RARB: variants seen among roughly 807,000 people sequenced by gnomAD.
RARB encodes HBV-activated protein.
A neutral mutation model predicts 51.9 loss-of-function variants in RARB; 17 were observed. The ratio of observed to expected loss-of-function variants is 0.33; its 90% CI spans 0.22 to 0.49. RARB has a LOEUF of 0.49. Ranked by LOEUF, RARB falls within the 20% of genes least tolerant of loss-of-function variation. The pLI is 0.99. For missense variants in RARB, 369 were observed against 550.8 expected (o/e 0.67, Z 3.30); for synonymous variants, 215 against 195.4 (o/e 1.10, Z -0.84).
chr3:25,392,100 T>TC (rs1225860037), intron 5 of RARB, among the ~76,000 whole-genome samples: 2 of 152,342 alleles, frequency 1.3e-5, no homozygotes, highest in East Asian at 3.9e-4. Context: ...GTTTCATTCT[T>TC]CTGCATGTGG....
chr3:25,270,462 T>TA (rs1703232668), intron 5 of RARB, among the ~76,000 whole-genome samples: 3 of 152,266 alleles, frequency 2.0e-5, no homozygotes, highest in African/African-American at 7.2e-5. Context: ...TAAAAATTGT[T>TA]AAAATGGTAA....
chr3:25,033,676 C>T (rs4858692), intron 2 of RARB, among the ~76,000 whole-genome samples: 95,141 of 151,856 alleles, frequency 0.63, 30,486 homozygotes, highest in East Asian at 0.93. Flanking sequence ...TTTCAGAGAG[C>T]AGTGGCTGCA....
intron 2 of RARB, among the ~76,000 whole-genome samples, chr3:25,489,743 C>T: frequency 6.6e-6 from 1 of 152,220 alleles, no homozygotes; most frequent in East Asian, 1.9e-4. Context: ...AAAGGACTTT[C>T]AAGTCCTAGG....
At chr3:25,206,734 T>C (rs1037015612) in intron 5 of RARB, among the ~76,000 whole-genome samples, 1 of 152,144 alleles carries the variant, frequency 6.6e-6, no homozygotes, top group Non-Finnish European at 1.5e-5. Flanking sequence ...GTAGGGTGAG[T>C]ACTGCTTCAG....
chr3:24,963,953 T>A (rs1045752770), intron 2 of RARB, among the ~76,000 whole-genome samples: 1 of 152,298 alleles, frequency 6.6e-6, no homozygotes, highest in African/African-American at 2.4e-5. Flanking sequence ...TCGCCTTGTA[T>A]ATAATCTTGA....
intron 5 of RARB, among the ~76,000 whole-genome samples, chr3:25,248,430 T>G (rs1327071525): frequency 6.6e-6 from 1 of 152,214 alleles, no homozygotes; most frequent in Non-Finnish European, 1.5e-5. Context: ...ATTGTTATTT[T>G]GAATATTCTT....
intron 5 of RARB, among the ~76,000 whole-genome samples, chr3:25,415,686 A>G (rs1328077541): frequency 6.6e-6 from 1 of 152,216 alleles, no homozygotes; most frequent in Non-Finnish European, 1.5e-5. Flanking sequence ...TTTTACTTAC[A>G]GTGAGGCCAT....
At chr3:24,945,045 C>A (rs1310074396) in intron 2 of RARB, among the ~76,000 whole-genome samples, 1 of 152,142 alleles carries the variant, frequency 6.6e-6, no homozygotes, top group South Asian at 2.1e-4. Flanking sequence ...ACATGGGGAA[C>A]AGTGACCTAG....
At chr3:25,065,783 G>A (rs977119506) in intron 3 of RARB, among the ~76,000 whole-genome samples, 5 of 152,170 alleles carry the variant, frequency 3.3e-5, no homozygotes, top group African/African-American at 1.2e-4. Context: ...ATGTCAAAGG[G>A]CTCACGCATA....
chr3:25,234,092 T>C (rs1457916828), intron 5 of RARB, among the ~76,000 whole-genome samples: 1 of 152,158 alleles, frequency 6.6e-6, no homozygotes, highest in Non-Finnish European at 1.5e-5. Context: ...TTGAGAAATA[T>C]TACTTTCTCC....
chr3:25,332,486 T>C (rs1263806136), intron 5 of RARB, among the ~76,000 whole-genome samples: 6 of 152,170 alleles, frequency 3.9e-5, no homozygotes, highest in Non-Finnish European at 2.9e-5. Context: ...CCCTTCATGC[T>C]AAAAACTCTC....
At chr3:25,348,670 T>TA (rs1270922793) in intron 5 of RARB, among the ~76,000 whole-genome samples, 1 of 152,208 alleles carries the variant, frequency 6.6e-6, no homozygotes, top group Non-Finnish European at 1.5e-5. Context: ...ACACAAGAGT[T>TA]AATGTTAAAT....
intron 5 of RARB, among the ~76,000 whole-genome samples, chr3:25,235,750 GA>G (rs1702287614): frequency 6.6e-6 from 1 of 152,176 alleles, no homozygotes; most frequent in Admixed American, 6.6e-5. Flanking sequence ...ACAGGAGATG[GA>G]AAGGCTTTGC....
At chr3:25,112,658 G>T (rs1699622257) in intron 3 of RARB, among the ~76,000 whole-genome samples, 1 of 151,950 alleles carries the variant, frequency 6.6e-6, no homozygotes. Context: ...CACACCTGTG[G>T]TCCCAGCTAC....
chr3:25,566,916 A>G (rs1451582629), intron 3 of RARB, among the ~76,000 whole-genome samples: 1 of 152,170 alleles, frequency 6.6e-6, no homozygotes, highest in African/African-American at 2.4e-5. Flanking sequence ...AAATGGGGTC[A>G]TAAGGCCCAC....
At chr3:25,149,631 T>C (rs150690905) in intron 4 of RARB, among the ~76,000 whole-genome samples, 23 of 152,218 alleles carry the variant, frequency 1.5e-4, no homozygotes, top group Non-Finnish European at 3.1e-4. Flanking sequence ...TTAAATTGTT[T>C]CTTTCTGTCT....
intron 3 of RARB, among the ~76,000 whole-genome samples, chr3:25,069,325 T>A (rs1308227580): frequency 2.6e-5 from 4 of 152,160 alleles, no homozygotes; most frequent in Non-Finnish European, 4.4e-5. Flanking sequence ...AAAGAAAATC[T>A]CATTTTCATG....
intron 2 of RARB, among the ~76,000 whole-genome samples, chr3:25,053,327 C>T (rs1316796295): frequency 1.3e-5 from 2 of 152,222 alleles, no homozygotes; most frequent in South Asian, 4.2e-4. Context: ...GGTCACCTAC[C>T]TGTCTTTTTC....
At chr3:25,025,834 G>A (rs1697736050) in intron 2 of RARB, among the ~76,000 whole-genome samples, 1 of 152,088 alleles carries the variant, frequency 6.6e-6, no homozygotes. Context: ...CCCATTAAGT[G>A]TCAGTTTGCA....
Sources: allele counts gnomAD v4.1 joint callset (sites outside exome capture counted in the v4.1 genomes callset), GRCh38; gene constraint gnomAD v4.1.1; transcripts MANE v1.5; gene names NCBI Gene and HGNC (gene_info 2026-07-23, HGNC 2026-07-21).